The following ARID5B variants were observed in gnomAD, a reference collection of about 807,000 sequenced individuals.
ARID5B encodes AT-rich interaction domain 5B, also known as AT-rich interactive domain-containing protein 5B.
A neutral mutation model predicts 97.2 loss-of-function variants in ARID5B; 13 were observed. That is an observed-to-expected ratio of 0.13 (90% CI 0.09 to 0.21). The LOEUF (loss-of-function observed/expected upper bound fraction) is 0.21, where lower values mean the gene tolerates loss of function less well. Among genes scored for constraint, ARID5B ranks in the 10% least tolerant of loss-of-function variants. ARID5B has a pLI of 1.00. For missense variants in ARID5B, 1,210 were observed against 1,465.3 expected, an observed-to-expected ratio of 0.83 and a Z score of 2.84; for synonymous variants, 556 against 570.3, an observed-to-expected ratio of 0.97 and a Z score of 0.36.
chr10:61,964,520 G>A (rs1189603922), intron 3 of ARID5B, among the ~76,000 whole-genome samples: 1 of 152,162 alleles, frequency 6.6e-6, no homozygotes, highest in Non-Finnish European at 1.5e-5. Flanking sequence ...CATCTGCAGT[G>A]TGAACATAGT....
intron 3 of ARID5B, among the ~76,000 whole-genome samples, chr10:61,996,336 A>G (rs1334582985): frequency 6.6e-6 from 1 of 151,984 alleles, no homozygotes; most frequent in Non-Finnish European, 1.5e-5. Flanking sequence ...AATAGTGTAA[A>G]CCAGTTAAAT....
intron 3 of ARID5B, among the ~76,000 whole-genome samples, chr10:61,965,711 A>T (rs1838535994): frequency 6.6e-6 from 1 of 152,224 alleles, no homozygotes; most frequent in Admixed American, 6.6e-5. Flanking sequence ...AAATAAAAGA[A>T]TGTCAGTAGA....
intron 2 of ARID5B, among the ~76,000 whole-genome samples, chr10:61,925,607 GCTCT>G (rs1444056157): frequency 6.6e-6 from 1 of 152,116 alleles, no homozygotes; most frequent in Non-Finnish European, 1.5e-5. Flanking sequence ...GCAATTTTCT[GCTCT>G]CTGTGTAAGT....
At chr10:62,067,374 T>C (rs560082480) in intron 7 of ARID5B, among the ~76,000 whole-genome samples, 6 of 152,350 alleles carry the variant, frequency 3.9e-5, no homozygotes, top group Middle Eastern at 3.4e-3. Flanking sequence ...TGAGCCACCA[T>C]GCCCGGCCAG....
chr10:61,975,947 G>A (rs959429266), intron 3 of ARID5B, among the ~76,000 whole-genome samples: 1 of 152,096 alleles, frequency 6.6e-6, no homozygotes, highest in Non-Finnish European at 1.5e-5. Context: ...ATTTTGGGGG[G>A]AATCACATTT....
chr10:62,068,278 G>A (rs1268437102), intron 7 of ARID5B, among the ~76,000 whole-genome samples: 2 of 152,212 alleles, frequency 1.3e-5, no homozygotes, highest in African/African-American at 2.4e-5. Context: ...GCTAGTAGAT[G>A]TAAGAGGTGG....
chr10:61,974,794 TGTAAATC>T (rs1415183185), intron 3 of ARID5B, among the ~76,000 whole-genome samples: 4 of 152,208 alleles, frequency 2.6e-5, no homozygotes, highest in African/African-American at 9.6e-5. Flanking sequence ...AATCTGTAGT[TGTAAATC>T]GTGAGTTGAA....
intron 8 of ARID5B, among the ~76,000 whole-genome samples, chr10:62,074,422 CTGTACCCAAGCCAGA>C (rs764007674): frequency 7.7e-4 from 118 of 152,318 alleles, no homozygotes; most frequent in Middle Eastern, 3.4e-3. Flanking sequence ...TTAAGGTGAG[CTGTACCCAAGCCAGA>C]TGTACTTGGG....
At position 61,905,766 on chromosome 10, in the gene ARID5B, A is replaced by G. The variant is rs145697151; in HGVS notation, c.276+3353A>G. On this transcript the variant is annotated intron_variant, in intron 2 of 9. Transcript: ENST00000279873. ...TTTTGCCAAAGGTCACCAGATGTCT[A>G]GGTAGCAAAACTATCCTTATCCTGT... Among the ~76,000 whole-genome samples, 454 of 152,338 alleles carry G rather than the reference A, an allele frequency of 3.0e-3. 3 individuals are homozygous for G. The highest frequency in any genetic ancestry group is 3.7e-3 in the Non-Finnish European group (251 of 68,028).
At chr10:62,037,333 G>T (rs748518084) in intron 4 of ARID5B, among the ~76,000 whole-genome samples, 3 of 152,100 alleles carry the variant, frequency 2.0e-5, no homozygotes, top group Non-Finnish European at 2.9e-5. Flanking sequence ...AGAGAGTTAG[G>T]GCCCTCACAT....
At chr10:62,065,584 G>A (rs1839975602) in intron 7 of ARID5B, among the ~76,000 whole-genome samples, 1 of 152,044 alleles carries the variant, frequency 6.6e-6, no homozygotes, top group Admixed American at 6.5e-5. Context: ...GGTGGCTCAC[G>A]CCTGTAATCC....
Position 62,090,905 on chromosome 10 carries a change from A to G in ARID5B, c.1442A>G (p.Gln481Arg). 1 of 1,600,712 alleles carries G rather than the reference A, an allele frequency of 6.2e-7. No individual in the cohort carries two copies. The highest frequency in any genetic ancestry group is 8.5e-7 in the Non-Finnish European group (1 of 1,176,694). The change falls in exon 10 of 10, where the codon CAG becomes CGG. Residue 481 changes from glutamine (Q) to arginine (R), a missense_variant. By Grantham distance (43) the Gln-to-Arg change is conservative. Around this residue, in one of 8 missense-constraint regions of ARID5B, gnomAD observed 800 missense variants for 839.1 expected, o/e 0.95. Transcript: ENST00000279873. ...AAAGAACAAGAGACTTTAATAAGCC[A>G]GAAAAGCATCCCTGAGCCTCTCCCA... ...QEKEQETLIS[Q>R]KSIPEPLPAA...
At chr10:61,944,927 G>A (rs1589229378) in intron 3 of ARID5B, among the ~76,000 whole-genome samples, 1 of 152,184 alleles carries the variant, frequency 6.6e-6, no homozygotes, top group South Asian at 2.1e-4. Context: ...GTGGGGGTCT[G>A]GCTGAATTTA....
intron 4 of ARID5B, among the ~76,000 whole-genome samples, chr10:62,042,968 C>T (rs1375513124): frequency 2.0e-5 from 3 of 150,976 alleles, no homozygotes; most frequent in African/African-American, 7.3e-5. Flanking sequence ...GGATTCTTTC[C>T]ATAGGCTCCT....
intron 7 of ARID5B, 56 bp from the exon 8 acceptor site, chr10:62,069,644 T>C: frequency 6.7e-7 from 1 of 1,487,086 alleles, no homozygotes. Flanking sequence ...TATTGAAGCC[T>C]GGCACTATGA....
chr10:62,057,102 T>C lies in ARID5B; in HGVS notation c.847-15T>C. ...GCTGTGCCTCGTCTGATGTGGTATA[T>C]TTTCCCTTTTCCAGGTGAAATGTGA... is the stretch of plus-strand genomic sequence containing the variant. On this transcript the variant is annotated splice_polypyrimidine_tract_variant and intron_variant, in intron 5 of 9. Coordinates refer to ENST00000279873, the MANE Select transcript of ARID5B (RefSeq NM_032199.3). 1 of 1,612,910 alleles carries C rather than the reference T, an allele frequency of 6.2e-7. No individual in the cohort carries two copies. The highest frequency in any genetic ancestry group is 8.5e-7 in the Non-Finnish European group (1 of 1,179,312).
chr10:62,043,791 C>T (rs1336718449), intron 4 of ARID5B, among the ~76,000 whole-genome samples: 2 of 152,178 alleles, frequency 1.3e-5, no homozygotes, highest in African/African-American at 2.4e-5. Context: ...AATAATTACT[C>T]CAGCATTCAC....
At chr10:62,032,441 G>A (rs1400628305) in intron 4 of ARID5B, among the ~76,000 whole-genome samples, 2 of 152,214 alleles carry the variant, frequency 1.3e-5, no homozygotes, top group African/African-American at 4.8e-5. Context: ...TATTTAGGCC[G>A]GGTGTGGTGA....
intron 8 of ARID5B, among the ~76,000 whole-genome samples, chr10:62,077,155 A>G (rs1325762813): frequency 6.6e-6 from 1 of 152,188 alleles, no homozygotes; most frequent in Non-Finnish European, 1.5e-5. Flanking sequence ...TCATCTTGTC[A>G]TCTGTAAAGA....
Sources: allele counts gnomAD v4.1 joint callset (sites outside exome capture counted in the v4.1 genomes callset), GRCh38; gene constraint gnomAD v4.1.1; regional missense constraint gnomAD v4.1.1; transcripts MANE v1.5; gene names NCBI Gene and HGNC (gene_info 2026-07-23, HGNC 2026-07-21).